HAUS2: variants seen among roughly 807,000 people sequenced by gnomAD.
HAUS2 encodes HAUS augmin-like complex subunit 2.
HAUS2 carries 20 observed loss-of-function variants against 21.6 expected under a neutral mutation model. The ratio of observed to expected loss-of-function variants is 0.93; its 90% CI spans 0.65 to 1.35. HAUS2 has a LOEUF of 1.35. Among genes scored for constraint, HAUS2 ranks in the 40% most tolerant of loss-of-function variants. HAUS2 has a pLI of 0.00. For synonymous variants in HAUS2, 113 were observed against 95.6 expected, an observed-to-expected ratio of 1.18 and a Z score of -1.06; for missense variants, 297 against 280.7, an observed-to-expected ratio of 1.06 and a Z score of -0.42.
At position 42,569,649 on chromosome 15, in the gene HAUS2, T is replaced by C. The variant is rs1223161614; in HGVS notation, c.*2833T>C. The C allele has an allele frequency of 6.6e-6, 1 of 152,198 alleles. No individual in the cohort carries two copies. The highest frequency in any genetic ancestry group is 1.5e-5 in the Non-Finnish European group (1 of 68,042). The allele number at this position is 152,198 out of a possible 1,614,324, so 9.4% of individuals were successfully genotyped here. ...ACAAGAAGACTTCAACAATGATAAG[T>C]AGTTGTTTATAAGGAAGCAGGATCA... On this transcript the variant is annotated 3_prime_UTR_variant, in exon 6 of 6. Transcript: ENST00000260372.
chr15:42,561,506 ATTTG>A, intron 4 of HAUS2, 104 bp downstream of exon 4: 1 of 725,298 alleles, frequency 1.4e-6, no homozygotes, highest in East Asian at 2.5e-5. Context: ...TAGTGATTGT[ATTTG>A]TTAACATTAT....
intron 1 of HAUS2, among the ~76,000 whole-genome samples, chr15:42,549,345 C>A (rs1025532696): frequency 2.6e-5 from 4 of 152,072 alleles, no homozygotes; most frequent in African/African-American, 9.7e-5. Context: ...TTTCCAACAA[C>A]CCTCGTTTGT....
At chr15:42,550,055 T>G (rs142626516) in intron 1 of HAUS2, among the ~76,000 whole-genome samples, 1 of 151,994 alleles carries the variant, frequency 6.6e-6, no homozygotes, top group East Asian at 1.9e-4. Flanking sequence ...TAGAGGAAGT[T>G]GAGAAATTTC....
chr15:42,569,146 T>G lies in HAUS2; in HGVS notation c.*2330T>G, dbSNP rs903504096. ...CTATCAGAGGTTATTGTGCATATAA[T>G]AGAGAGTGATATACTAACAACTGCC... On this transcript the variant is annotated 3_prime_UTR_variant, in exon 6 of 6. Coordinates refer to ENST00000260372, the MANE Select transcript of HAUS2 (RefSeq NM_018097.3). 5.3e-5 allele frequency: 8 copies of G among 152,192 alleles called. No individual in the cohort carries two copies. The highest frequency in any genetic ancestry group is 1.9e-4 in the African/African-American group (8 of 41,450). 9.4% of individuals were successfully genotyped at this position (152,192 alleles called of 1,614,324 possible).
At chr15:42,560,718 A>C (rs2057840580) in intron 3 of HAUS2, 6 of 686,898 alleles carry the variant, frequency 8.7e-6, no homozygotes, top group East Asian at 2.7e-5. Context: ...TCTCTCAAGT[A>C]GCTAGGACTA....
chr15:42,560,919 A>G (rs1271902028), intron 3 of HAUS2: 3 of 692,964 alleles, frequency 4.3e-6, no homozygotes, highest in African/African-American at 3.5e-5. Context: ...ATGGTCTTTT[A>G]TAGACTATTA....
At chr15:42,554,426 A>C (rs2057752170) in intron 1 of HAUS2, among the ~76,000 whole-genome samples, 1 of 151,526 alleles carries the variant, frequency 6.6e-6, no homozygotes. Flanking sequence ...CCAGATGTAA[A>C]CTCTGTACTA....
chr15:42,558,560 C>A (rs1236093155), intron 2 of HAUS2, among the ~76,000 whole-genome samples: 1 of 151,926 alleles, frequency 6.6e-6, no homozygotes, highest in East Asian at 1.9e-4. Context: ...ATCTCCTGAC[C>A]CCATGATCTG....
At chr15:42,564,690 T>C (rs9919987) in intron 5 of HAUS2, among the ~76,000 whole-genome samples, 2,654 of 152,316 alleles carry the variant, frequency 0.017, 29 homozygotes, top group Middle Eastern at 0.041. Context: ...GTTCTCACTA[T>C]GTTACCTAGG....
Position 42,548,919 on chromosome 15 carries a change from C to T in HAUS2, c.47C>T (p.Ala16Val), listed in dbSNP as rs2057686529. The T allele has an allele frequency of 1.9e-6, 3 of 1,551,884 alleles. No homozygotes were observed. The highest frequency in any genetic ancestry group is 2.4e-5 in the East Asian group (1 of 41,224). ...PWDPASAPNG[A>V]GLVLGHFIAS... is the part of the protein sequence containing the mutation. ...GACCCGGCGTCCGCGCCTAACGGCG[C>T]TGGGCTAGTGCTAGGCCACTTCATA... is the stretch of plus-strand genomic sequence containing the variant. Residue 16 changes from alanine to valine, a missense_variant, in exon 1 of 6, where the codon GCT (alanine) becomes GTT (valine). Ala to Val is a moderately conservative substitution (Grantham distance 64). Transcript: ENST00000260372.
rs2141605241 is a variant in HAUS2 at position 42,563,825 on chromosome 15, A to G, written c.466A>G (p.Ile156Val). ...AACCCACCTTGAAACAATTAGAAAT[A>G]TTCCTCATTTAGCTGCAAATCTAAA... ...LETHLETIRN[I>V]PHLAANLKKM... is the part of the protein sequence containing the mutation. Residue 156 changes from isoleucine to valine, a missense_variant, in exon 5 of 6, where the codon ATT becomes GTT. Ile to Val is a conservative substitution (Grantham distance 29). Coordinates refer to ENST00000260372, the MANE Select transcript of HAUS2 (RefSeq NM_018097.3). 1.3e-6 allele frequency: 2 copies of G among 1,552,382 alleles called. No homozygotes were observed. Among genetic ancestry groups the G allele is most frequent in the East Asian group, 2.3e-5 (1 of 44,274 alleles).
chr15:42,563,647 G>T (rs3986281), intron 4 of HAUS2, 102 bp from the exon 5 acceptor site: 5 of 723,172 alleles, frequency 6.9e-6, no homozygotes, highest in Non-Finnish European at 1.2e-5. Context: ...TAGGTTGATT[G>T]TAATTCTTAT....
At chr15:42,557,279 G>T (rs2057788438) in intron 1 of HAUS2, among the ~76,000 whole-genome samples, 1 of 122,730 alleles carries the variant, frequency 8.1e-6, no homozygotes, top group Non-Finnish European at 1.6e-5. Context: ...TTGCACCACT[G>T]CACTCCAACC....
chr15:42,550,356 G>A (rs1208605430), intron 1 of HAUS2, among the ~76,000 whole-genome samples: 1 of 149,974 alleles, frequency 6.7e-6, no homozygotes, highest in Non-Finnish European at 1.5e-5. Context: ...TTTATAGTCA[G>A]AAGAGCCATT....
chr15:42,550,691 C>CTT (rs2057716658), intron 1 of HAUS2, among the ~76,000 whole-genome samples: 2 of 151,804 alleles, frequency 1.3e-5, no homozygotes, highest in African/African-American at 4.8e-5. Flanking sequence ...TTTTTTGAGA[C>CTT]GGAGTCTCGC....
rs2057864781 is a variant in HAUS2, at chr15:42,562,809, TA to T, written c.390-938del. On this transcript the variant is annotated intron_variant, in intron 4 of 5. Coordinates refer to ENST00000260372, the MANE Select transcript of HAUS2 (RefSeq NM_018097.3). ...GTCTTCATTCTTCACAGAGAATGAG[TA>T]AGTTGAAATGGAATGAGGCCAGGCG... Among the ~76,000 whole-genome samples the T allele has an allele frequency of 2.0e-5, 3 of 152,234 alleles. No individual in the cohort carries two copies. The South Asian group carries it at 6.2e-4, about 32-fold the overall frequency.
At position 42,548,903 on chromosome 15, in the gene HAUS2, T is replaced by C; in HGVS notation, c.31T>C (p.Ser11Pro). 6.4e-7 allele frequency: 1 copy of C among 1,551,008 alleles called. No individual in the cohort carries two copies. The highest frequency in any genetic ancestry group is 1.9e-4 in the Middle Eastern group (1 of 5,190). MAAANPWDPA[S>P]APNGAGLVLG... ...CGCTGCCAACCCGTGGGACCCGGCG[T>C]CCGCGCCTAACGGCGCTGGGCTAGT... Residue 11 changes from serine to proline, a missense_variant, in exon 1 of 6, where the codon TCC (serine) becomes CCC (proline). Ser to Pro is a moderately conservative substitution (Grantham distance 74). Transcript: ENST00000260372.
chr15:42,566,106 G>A (rs1203228989), intron 5 of HAUS2, among the ~76,000 whole-genome samples: 1 of 151,864 alleles, frequency 6.6e-6, no homozygotes, highest in East Asian at 1.9e-4. Flanking sequence ...GGAGGATGAG[G>A]CAGAAGAATC....
chr15:42,565,512 G>C (rs1212518324), intron 5 of HAUS2, among the ~76,000 whole-genome samples: 2 of 151,838 alleles, frequency 1.3e-5, no homozygotes, highest in African/African-American at 2.4e-5. Context: ...GGATAGAGCA[G>C]ACTGAGCCTT....
Sources: gnomAD v4.1 joint callset for allele counts (sites outside exome capture counted in the v4.1 genomes callset) on GRCh38, gnomAD v4.1.1 for gene constraint, MANE v1.5 for transcripts, NCBI Gene and HGNC (gene_info 2026-07-23, HGNC 2026-07-21) for gene names.